The following RAPGEF6 variants were observed in gnomAD, a reference collection of about 807,000 sequenced individuals.
The protein encoded by RAPGEF6 is Rap guanine nucleotide exchange factor 6.
In RAPGEF6, 56 loss-of-function variants were observed where a neutral mutation model predicts 171.4. The observed-to-expected ratio is 0.33, with a 90% CI of 0.26 to 0.41. The LOEUF is 0.41. Among genes scored for constraint, RAPGEF6 ranks in the 10% least tolerant of loss-of-function variants. The pLI is 1.00. For synonymous variants in RAPGEF6, 692 were observed against 650.1 expected, an observed-to-expected ratio of 1.06 and a Z score of -0.98; for missense variants, 1,674 against 1,921.4, an observed-to-expected ratio of 0.87 and a Z score of 2.41.
chr5:131,503,676 T>C (rs1057203460), intron 11 of RAPGEF6, among the ~76,000 whole-genome samples: 3 of 152,210 alleles, frequency 2.0e-5, no homozygotes, highest in African/African-American at 7.2e-5. Context: ...CAGTTATGTG[T>C]TTATTTCCCC....
At chr5:131,466,965 A>G (rs947290537) in intron 17 of RAPGEF6, among the ~76,000 whole-genome samples, 1 of 152,216 alleles carries the variant, frequency 6.6e-6, no homozygotes, top group African/African-American at 2.4e-5. Context: ...TCTTCATAAA[A>G]GTAGGTCCTA....
At chr5:131,495,313 C>CAACA (rs1554075561) in intron 13 of RAPGEF6, among the ~76,000 whole-genome samples, 1 of 147,620 alleles carries the variant, frequency 6.8e-6, no homozygotes, top group Non-Finnish European at 1.5e-5. Flanking sequence ...CAAATAAATA[C>CAACA]AATAAATAAA....
intron 1 of RAPGEF6, among the ~76,000 whole-genome samples, chr5:131,633,351 G>A (rs1175868515): frequency 6.6e-6 from 1 of 151,594 alleles, no homozygotes; most frequent in African/African-American, 2.4e-5. Flanking sequence ...AATAAAATAG[G>A]CAATTTCAAA....
chr5:131,597,700 G>A (rs1763983839), intron 3 of RAPGEF6, among the ~76,000 whole-genome samples: 1 of 152,164 alleles, frequency 6.6e-6, no homozygotes, highest in Non-Finnish European at 1.5e-5. Flanking sequence ...CCAGAGACTG[G>A]AGTGGGGAGG....
rs1052968673 is a variant in RAPGEF6 at position 131,568,321 on chromosome 5, A to C, written c.282-6274T>G. Among the ~76,000 whole-genome samples, 4 of 135,058 alleles carry C rather than the reference A, an allele frequency of 3.0e-5. No individual in the cohort carries two copies. In the Admixed American group the frequency reaches 3.3e-4, roughly 11 times the overall value. 88.6% of individuals were successfully genotyped at this position (135,058 alleles called of 152,430 possible). ...TTTTAATTCCTTTGTTGATTTTTTA[A>C]ATGTTATTTTTGTTATTTTTTTTTT... On this transcript the variant is annotated intron_variant, in intron 4 of 27. Transcript: ENST00000509018.
At chr5:131,606,647 C>T (rs1452501974) in intron 1 of RAPGEF6, among the ~76,000 whole-genome samples, 1 of 152,192 alleles carries the variant, frequency 6.6e-6, no homozygotes, top group East Asian at 1.9e-4. Flanking sequence ...TGCAGTCTTG[C>T]CAGTTACCCA....
chr5:131,507,723 AATGAT>A (rs1486667511), intron 9 of RAPGEF6, among the ~76,000 whole-genome samples: 4 of 151,430 alleles, frequency 2.6e-5, no homozygotes, highest in Non-Finnish European at 3.0e-5. Flanking sequence ...TTTAAACAAT[AATGAT>A]ATAATTATAC....
chr5:131,481,535 A>G (rs905475118), intron 15 of RAPGEF6, among the ~76,000 whole-genome samples: 2 of 152,112 alleles, frequency 1.3e-5, no homozygotes, highest in African/African-American at 4.8e-5. Context: ...CCGGCCTCAG[A>G]TATCTTTCTA....
At chr5:131,607,045 T>G (rs1468037018) in intron 1 of RAPGEF6, among the ~76,000 whole-genome samples, 1 of 152,158 alleles carries the variant, frequency 6.6e-6, no homozygotes, top group Non-Finnish European at 1.5e-5. Context: ...CACCTAATAA[T>G]GGTCATTCCC....
intron 6 of RAPGEF6, among the ~76,000 whole-genome samples, chr5:131,536,485 GC>G (rs1237749497): frequency 6.6e-6 from 1 of 152,110 alleles, no homozygotes; most frequent in East Asian, 1.9e-4. Context: ...GAAACAGTGT[GC>G]TTCAGCATAC....
intron 11 of RAPGEF6, among the ~76,000 whole-genome samples, chr5:131,499,179 C>T (rs1226174739): frequency 1.3e-5 from 2 of 152,144 alleles, no homozygotes; most frequent in African/African-American, 4.8e-5. Context: ...TCCTCTCATA[C>T]AGTTTCCTCT....
chr5:131,550,500 G>T (rs766547134), intron 5 of RAPGEF6, among the ~76,000 whole-genome samples: 1 of 152,136 alleles, frequency 6.6e-6, no homozygotes, highest in African/African-American at 2.4e-5. Flanking sequence ...TGTCTAATCT[G>T]CTTTGTTCAG....
intron 6 of RAPGEF6, among the ~76,000 whole-genome samples, chr5:131,546,219 A>T (rs1760517495): frequency 6.6e-6 from 1 of 152,256 alleles, no homozygotes; most frequent in African/African-American, 2.4e-5. Flanking sequence ...TTACAGTTAA[A>T]GATTCTTTCA....
At chr5:131,449,296 C>T (rs979944894) in intron 21 of RAPGEF6, among the ~76,000 whole-genome samples, 3 of 152,112 alleles carry the variant, frequency 2.0e-5, no homozygotes, top group African/African-American at 7.2e-5. Flanking sequence ...GATTCTATCA[C>T]AACTTTAAAG....
At chr5:131,493,728 T>C (rs1756448682) in intron 13 of RAPGEF6, among the ~76,000 whole-genome samples, 2 of 152,174 alleles carry the variant, frequency 1.3e-5, no homozygotes, top group African/African-American at 4.8e-5. Context: ...GATCCTACAT[T>C]GATGTCTTTG....
At chr5:131,439,937 A>G (rs1580825336) in intron 23 of RAPGEF6, 7 of 753,630 alleles carry the variant, frequency 9.3e-6, no homozygotes, top group Non-Finnish European at 1.4e-5. Context: ...GGACCAGATT[A>G]TATTAGTTTG....
intron 5 of RAPGEF6, among the ~76,000 whole-genome samples, chr5:131,560,258 A>G (rs1306451648): frequency 2.0e-5 from 3 of 152,180 alleles, no homozygotes; most frequent in Admixed American, 2.0e-4. Flanking sequence ...ACTGCTAACA[A>G]TAAGGACTTT....
chr5:131,451,545 C>A (rs989049378), intron 21 of RAPGEF6, among the ~76,000 whole-genome samples: 3 of 151,998 alleles, frequency 2.0e-5, no homozygotes, highest in Non-Finnish European at 2.9e-5. Flanking sequence ...GCCAAGACAC[C>A]ACCACTGCAC....
At chr5:131,523,279 C>CTTTTTTTTTT (rs1171953953) in intron 6 of RAPGEF6, among the ~76,000 whole-genome samples, 166 of 66,654 alleles carry the variant, frequency 2.5e-3, no homozygotes, top group Non-Finnish European at 3.0e-3. Flanking sequence ...CTGTTGTATG[C>CTTTTTTTTTT]TTTTTTTTTT....
Sources: allele counts gnomAD v4.1 joint callset (sites outside exome capture counted in the v4.1 genomes callset), GRCh38; gene constraint gnomAD v4.1.1; transcripts MANE v1.5; gene names NCBI Gene and HGNC (gene_info 2026-07-23, HGNC 2026-07-21).